Variants in ZNF225 observed in about 807,000 individuals in gnomAD.
The protein encoded by ZNF225 is zinc finger protein 225.
ZNF225 carries 6 observed loss-of-function variants against 12.0 expected under a neutral mutation model. The observed-to-expected ratio is 0.50, with a 90% CI of 0.27 to 0.98. The LOEUF is 0.98. ZNF225 is among the 50% of genes least tolerant of loss of function. ZNF225 has a pLI of 0.11. For synonymous variants in ZNF225, 271 were observed against 283.2 expected (o/e 0.96, Z 0.43); for missense variants, 763 against 848.2 (o/e 0.90, Z 1.25).
intron 4 of ZNF225, chr19:44,128,928 A>G (rs1268629972): frequency 3.7e-6 from 2 of 540,070 alleles, no homozygotes; most frequent in Admixed American, 8.8e-5. Flanking sequence ...CAGTCCAATA[A>G]CTTCACATGG....
chr19:44,129,911 AC>A, intron 4 of ZNF225: 1 of 152,248 alleles, frequency 6.6e-6, no homozygotes. Flanking sequence ...TACAATACAA[AC>A]TAAAATATAC....
intron 3 of ZNF225, 29 bp from the exon 4 acceptor site, chr19:44,118,453 A>C (rs1316114688): frequency 2.7e-5 from 44 of 1,613,252 alleles, no homozygotes; most frequent in Non-Finnish European, 3.6e-5. Context: ...ATATATTGGC[A>C]CTAAGCACAT....
At chr19:44,118,132 CCT>C in intron 2 of ZNF225, 54 bp from the exon 3 acceptor site, 1 of 1,571,636 alleles carries the variant, frequency 6.4e-7, no homozygotes. Context: ...CAGTGCCACC[CCT>C]CTCTCAGTAG....
chr19:44,123,539 A>G (rs946751315), intron 4 of ZNF225, among the ~76,000 whole-genome samples: 3 of 152,012 alleles, frequency 2.0e-5, no homozygotes, highest in South Asian at 2.1e-4. Flanking sequence ...TTCTTTCTCT[A>G]TCTTGTGAAA....
In ZNF225 at chr19:44,127,434, G is replaced by A. The variant is rs10409062; in HGVS notation, c.236-3416G>A. On this transcript the variant is annotated intron_variant, in intron 4 of 4. Coordinates refer to ENST00000262894, the MANE Select transcript of ZNF225 (RefSeq NM_013362.4). ...GCAGTCCACTTCCTTCAGAGGGTCTGTGGGTCCTCTTGGGATTGCTAGTTT... is the reference window on the plus strand; with the variant it reads ...GCAGTCCACTTCCTTCAGAGGGTCTATGGGTCCTCTTGGGATTGCTAGTTT... Among the ~76,000 whole-genome samples the A allele has an allele frequency of 4.4e-3, 665 of 152,316 alleles. 5 individuals are homozygous for A. The highest frequency in any genetic ancestry group is 0.015 in the African/African-American group (632 of 41,562).
intron 4 of ZNF225, among the ~76,000 whole-genome samples, chr19:44,120,051 C>T (rs1043111381): frequency 1.3e-5 from 2 of 152,146 alleles, no homozygotes; most frequent in Admixed American, 6.5e-5. Context: ...AATCCCATCT[C>T]TACTAAAAAT....
Position 44,131,988 on chromosome 19 carries a change from T to C in ZNF225, c.1374T>C (p.Cys458=). The change falls in exon 5 of 5, where the codon TGT becomes TGC. Residue 458 remains cysteine, a synonymous_variant. Coordinates refer to ENST00000262894, the MANE Select transcript of ZNF225 (RefSeq NM_013362.4). ...ACAGAGGAGAGAAACCCTATAATTGTAAGGAATGTGGGAAGAGCTTTGGCT... is the reference window on the plus strand; with the variant it reads ...ACAGAGGAGAGAAACCCTATAATTGCAAGGAATGTGGGAAGAGCTTTGGCT... The part of the protein sequence containing the change: ...RVHRGEKPYN[C]KECGKSFGWA... 6.2e-7 allele frequency: 1 copy of C among 1,613,814 alleles called. No individual in the cohort carries two copies. Among genetic ancestry groups the C allele is most frequent in the Non-Finnish European group, 8.5e-7 (1 of 1,179,974 alleles).
chr19:44,122,173 T>C (rs565031833), intron 4 of ZNF225, among the ~76,000 whole-genome samples: 2 of 152,364 alleles, frequency 1.3e-5, no homozygotes, highest in East Asian at 3.9e-4. Context: ...GATTTTTGTA[T>C]AAGGTGAGGG....
At chr19:44,118,074 T>C in intron 2 of ZNF225, 114 bp from the exon 3 acceptor site, 3 of 1,166,406 alleles carry the variant, frequency 2.6e-6, no homozygotes, top group Non-Finnish European at 3.5e-6. Context: ...TGTTGACCTA[T>C]GTCTCTCAAG....
At chr19:44,127,640 C>A (rs1333652953) in intron 4 of ZNF225, among the ~76,000 whole-genome samples, 1 of 151,912 alleles carries the variant, frequency 6.6e-6, no homozygotes, top group African/African-American at 2.4e-5. Flanking sequence ...ATTTTTCTTT[C>A]TTTATTTTAT....
intron 4 of ZNF225, among the ~76,000 whole-genome samples, chr19:44,125,379 T>G (rs1391808432): frequency 6.6e-6 from 1 of 152,244 alleles, no homozygotes; most frequent in African/African-American, 2.4e-5. Context: ...TCTTCTAGCT[T>G]GTAGGGTTTC....
upstream of ZNF225, chr19:44,111,896 C>A (rs375239552): frequency 6.6e-6 from 1 of 152,052 alleles, no homozygotes; most frequent in African/African-American, 2.4e-5. Flanking sequence ...GGTTTAAACC[C>A]GGGGTTCGTC....
intron 2 of ZNF225, 28 bp from the exon 3 acceptor site, chr19:44,118,160 C>T: frequency 6.3e-7 from 1 of 1,599,490 alleles, no homozygotes; most frequent in South Asian, 1.1e-5. Context: ...GGTCATGAGA[C>T]TGAGGTTGCA....
chr19:44,116,158 G>A (rs913280830), intron 2 of ZNF225, among the ~76,000 whole-genome samples: 6 of 152,122 alleles, frequency 3.9e-5, no homozygotes, highest in South Asian at 2.1e-4. Flanking sequence ...CACCGTGCCC[G>A]GCCGTATTTC....
At chr19:44,120,186 C>T (rs1240716911) in intron 4 of ZNF225, among the ~76,000 whole-genome samples, 1 of 152,174 alleles carries the variant, frequency 6.6e-6, no homozygotes, top group African/African-American at 2.4e-5. Context: ...CACCGCACTC[C>T]AGCCTTGGTG....
intron 1 of ZNF225, among the ~76,000 whole-genome samples, chr19:44,114,960 G>A (rs1170994284): frequency 1.3e-5 from 2 of 151,932 alleles, no homozygotes; most frequent in African/African-American, 4.8e-5. Context: ...TTTACCCCAG[G>A]AACACAGATT....
At position 44,118,530 on chromosome 19, in the gene ZNF225, A is replaced by C; in HGVS notation, c.191A>C (p.Lys64Thr). ...ACTTTCCACTTCCTAAAGGAAGAAA[A>C]GTTTTGGATGATGGAGACAGCAACC... ...RDTFHFLKEE[K>T]FWMMETATQR... is the part of the protein sequence containing the mutation. The change falls in exon 4 of 5, where the codon AAG becomes ACG. Residue 64 changes from lysine (K) to threonine (T), a missense_variant. Coordinates refer to ENST00000262894, the MANE Select transcript of ZNF225 (RefSeq NM_013362.4). The C allele has an allele frequency of 6.2e-7, 1 of 1,612,942 alleles. No individual in the cohort carries two copies. The highest frequency in any genetic ancestry group is 8.5e-7 in the Non-Finnish European group (1 of 1,179,302).
At chr19:44,121,846 G>T (rs971950510) in intron 4 of ZNF225, among the ~76,000 whole-genome samples, 50 of 152,052 alleles carry the variant, frequency 3.3e-4, no homozygotes, top group Admixed American at 2.9e-3. Flanking sequence ...GGGTTGTTTG[G>T]TTTTTTTCTT....
intron 4 of ZNF225, among the ~76,000 whole-genome samples, chr19:44,120,878 G>C (rs538452883): frequency 1.6e-4 from 23 of 144,754 alleles, no homozygotes; most frequent in Non-Finnish European, 2.7e-4. Flanking sequence ...ACTCTTTCCC[G>C]CAAGTCCCCA....
Sources: allele counts gnomAD v4.1 joint callset (sites outside exome capture counted in the v4.1 genomes callset), GRCh38; gene constraint gnomAD v4.1.1; transcripts MANE v1.5; gene names NCBI Gene and HGNC (gene_info 2026-07-23, HGNC 2026-07-21).